Variants in COLEC12 observed in about 807,000 individuals in gnomAD.
COLEC12 encodes collectin-12.
Under a neutral mutation model 71.1 loss-of-function variants are expected in COLEC12, and 33 were observed. That is an observed-to-expected ratio of 0.46 (90% confidence interval 0.35 to 0.62). The LOEUF is 0.62. COLEC12 is among the 20% of genes least tolerant of loss of function. COLEC12 has a pLI of 0.00. For synonymous variants in COLEC12, 350 were observed against 353.0 expected (o/e 0.99, Z 0.10); for missense variants, 765 against 916.1 (o/e 0.84, Z 2.13).
chr18:328,531 TATG>T (rs1032131516), intron 8 of COLEC12, among the ~76,000 whole-genome samples: 5 of 152,182 alleles, frequency 3.3e-5, no homozygotes, highest in African/African-American at 9.7e-5. Flanking sequence ...TGCTAACTAA[TATG>T]ATAATAATTA....
chr18:436,964 T>C (rs890236157), intron 2 of COLEC12, among the ~76,000 whole-genome samples: 2 of 152,236 alleles, frequency 1.3e-5, no homozygotes, highest in Admixed American at 1.3e-4. Flanking sequence ...CTTGTGCTTT[T>C]CAGAAATGTC....
chr18:472,692 AAAAAAAAAAAAG>A (rs1381477830), intron 2 of COLEC12, among the ~76,000 whole-genome samples: 2 of 150,722 alleles, frequency 1.3e-5, no homozygotes, highest in South Asian at 2.1e-4. Context: ...AAAAAAAAAA[AAAAAAAAAAAAG>A]AAGAAGAAGA....
intron 2 of COLEC12, among the ~76,000 whole-genome samples, chr18:457,247 C>T (rs1916891266): frequency 6.6e-6 from 1 of 152,176 alleles, no homozygotes; most frequent in Non-Finnish European, 1.5e-5. Context: ...AACGGAGCCC[C>T]CTAAGCCAAC....
chr18:426,099 A>G (rs1454664665), intron 2 of COLEC12, among the ~76,000 whole-genome samples: 1 of 152,234 alleles, frequency 6.6e-6, no homozygotes, highest in Non-Finnish European at 1.5e-5. Context: ...GGTCGGATTC[A>G]GACAGGTCAG....
At chr18:496,163 T>A (rs1917708833) in intron 1 of COLEC12, among the ~76,000 whole-genome samples, 1 of 152,220 alleles carries the variant, frequency 6.6e-6, no homozygotes, top group East Asian at 1.9e-4. Flanking sequence ...AATATTATAA[T>A]GAGAATAGGC....
At chr18:380,564 T>C (rs1262553057) in intron 2 of COLEC12, among the ~76,000 whole-genome samples, 1 of 152,176 alleles carries the variant, frequency 6.6e-6, no homozygotes, top group East Asian at 1.9e-4. Flanking sequence ...TCATTTGAAT[T>C]CCACATGTAC....
intron 2 of COLEC12, among the ~76,000 whole-genome samples, chr18:431,597 G>C (rs1369706284): frequency 1.3e-5 from 2 of 152,192 alleles, no homozygotes; most frequent in African/African-American, 4.8e-5. Flanking sequence ...GAATGCATGA[G>C]GAGGAGCACA....
At chr18:461,102 A>T (rs1916974787) in intron 2 of COLEC12, among the ~76,000 whole-genome samples, 2 of 152,190 alleles carry the variant, frequency 1.3e-5, no homozygotes, top group Admixed American at 6.5e-5. Flanking sequence ...TAATCGGCTG[A>T]GTTTACCCAA....
chr18:329,864 G>A (rs1357765367), intron 8 of COLEC12, among the ~76,000 whole-genome samples: 1 of 152,204 alleles, frequency 6.6e-6, no homozygotes, highest in Non-Finnish European at 1.5e-5. Flanking sequence ...GATCACTTGA[G>A]GCTAGGAGTT....
chr18:378,303 A>C (rs969613073), intron 2 of COLEC12, among the ~76,000 whole-genome samples: 1 of 152,216 alleles, frequency 6.6e-6, no homozygotes, highest in Non-Finnish European at 1.5e-5. Flanking sequence ...AGCTGAGGGC[A>C]CATCAGAAGA....
At chr18:323,249 T>C (rs1370437707) in intron 8 of COLEC12, among the ~76,000 whole-genome samples, 4 of 152,052 alleles carry the variant, frequency 2.6e-5, no homozygotes, top group Non-Finnish European at 4.4e-5. Context: ...TATATATACA[T>C]TGAGTGGCCT....
rs994964555 is a variant in COLEC12 at position 469,039 on chromosome 18, C to A, written c.58+11668G>T. 2.0e-5 allele frequency among the ~76,000 whole-genome samples: 3 copies of A among 152,266 alleles called. No homozygotes were observed. In the East Asian group the frequency reaches 5.8e-4, roughly 29 times the overall value. On this transcript the variant is annotated intron_variant, in intron 2 of 9. Transcript: ENST00000400256. ...GGCGTGCGCAGCACATGGAAGGATG[C>A]TGCCTTCCAAACTTCTTTTACGAGT...
intron 5 of COLEC12, among the ~76,000 whole-genome samples, chr18:343,581 T>TC (rs1230111606): frequency 1.5e-4 from 22 of 151,668 alleles, no homozygotes; most frequent in African/African-American, 5.1e-4. Context: ...GCTTAAAACC[T>TC]CCCCCTCACG....
chr18:476,590 C>A (rs77768544), intron 2 of COLEC12, among the ~76,000 whole-genome samples: 7,060 of 152,288 alleles, frequency 0.046, 238 homozygotes, highest in Admixed American at 0.12. Context: ...AGCGCCCCCG[C>A]CCCAGTGCAG....
In COLEC12 at chr18:346,915, C is replaced by T. The variant is rs201989914; in HGVS notation, c.707G>A (p.Arg236Gln). The T allele has an allele frequency of 2.7e-5, 44 of 1,614,126 alleles. No individual in the cohort carries two copies. Among genetic ancestry groups the T allele is most frequent in the Admixed American group, 1.3e-4 (8 of 60,016 alleles). The change falls in exon 5 of 10, where the codon CGA becomes CAA. Residue 236 changes from arginine to glutamine, a missense_variant. By Grantham distance (43) the Arg-to-Gln change is conservative. Coordinates refer to ENST00000400256, the MANE Select transcript of COLEC12 (RefSeq NM_130386.3). The surrounding 1 kb of genome is among the most constrained non-coding windows in gnomAD (Gnocchi z 4.0). ...CAGATTTTGAAAGTCGTTCTTGATT[C>T]GCTGGATAGCCTGGCTTGTGTCATC... is the stretch of plus-strand genomic sequence containing the variant. ...SVDDTSQAIQ[R>Q]IKNDFQNLQQ...
At chr18:360,925 T>C (rs1338201191) in intron 2 of COLEC12, among the ~76,000 whole-genome samples, 1 of 152,204 alleles carries the variant, frequency 6.6e-6, no homozygotes, top group Non-Finnish European at 1.5e-5. Flanking sequence ...CCGTCTCTTA[T>C]GTCTAAAACT....
chr18:365,036 A>T (rs1470713642), intron 2 of COLEC12, among the ~76,000 whole-genome samples: 1 of 152,218 alleles, frequency 6.6e-6, no homozygotes, highest in East Asian at 1.9e-4. Flanking sequence ...CCAACGAGAT[A>T]ATCTAGAAAA....
At chr18:423,716 G>T (rs1916143329) in intron 2 of COLEC12, 1 of 152,236 alleles carries the variant, frequency 6.6e-6, no homozygotes, top group Admixed American at 6.5e-5. Flanking sequence ...TGGTCTGATA[G>T]TAAGAACGAC....
In COLEC12 at chr18:346,197, T is replaced by C; in HGVS notation, c.1327+98A>G. On this transcript the variant is annotated intron_variant, in intron 5 of 9. Transcript: ENST00000400256. The surrounding 1 kb of genome is among the most constrained non-coding windows in gnomAD (Gnocchi z 4.0). ...TTCCTGGTCCACAAAAACTATGAGA[T>C]GATGAATATTTATTGTTTTAAATTG... The C allele has an allele frequency of 1.2e-6, 1 of 864,934 alleles. No individual in the cohort carries two copies. Among genetic ancestry groups the C allele is most frequent in the African/African-American group, 1.7e-5 (1 of 59,270 alleles). The allele number at this position is 864,934 out of a possible 1,614,324, so 53.6% of individuals were successfully genotyped here.
Sources: gnomAD v4.1 joint callset for allele counts (sites outside exome capture counted in the v4.1 genomes callset) on GRCh38, gnomAD v4.1.1 for gene constraint, Gnocchi (gnomAD v3.1) non-coding constraint, MANE v1.5 for transcripts, NCBI Gene and HGNC (gene_info 2026-07-23, HGNC 2026-07-21) for gene names.